WDR70: variants seen among roughly 807,000 people sequenced by gnomAD.
The protein encoded by WDR70 is WD repeat-containing protein 70.
WDR70 carries 53 observed loss-of-function variants against 88.6 expected under a neutral mutation model. The observed-to-expected ratio is 0.60, with a 90% CI of 0.48 to 0.75. The LOEUF (loss-of-function observed/expected upper bound fraction) is 0.75, where lower values mean the gene tolerates loss of function less well. WDR70 is among the 30% of genes least tolerant of loss of function. The pLI is 0.00. For missense variants in WDR70, 610 were observed against 823.2 expected (o/e 0.74, Z 3.17); for synonymous variants, 280 against 270.0 (o/e 1.04, Z -0.36).
At chr5:37,579,231 G>A (rs1743148037) in intron 9 of WDR70, among the ~76,000 whole-genome samples, 1 of 152,172 alleles carries the variant, frequency 6.6e-6, no homozygotes, top group Admixed American at 6.5e-5. Context: ...GGGAGAGAAG[G>A]AAGAAAGGAA....
intron 10 of WDR70, among the ~76,000 whole-genome samples, chr5:37,670,579 T>C (rs1745997858): frequency 6.6e-6 from 1 of 152,212 alleles, no homozygotes. Context: ...ACTATTCTCA[T>C]TTAATAGTTG....
At chr5:37,638,169 A>C (rs1041745254) in intron 10 of WDR70, among the ~76,000 whole-genome samples, 2 of 152,202 alleles carry the variant, frequency 1.3e-5, no homozygotes, top group African/African-American at 4.8e-5. Context: ...TGAGAATGCC[A>C]TCTGATCTGT....
intron 9 of WDR70, among the ~76,000 whole-genome samples, chr5:37,551,917 G>A (rs1742160170): frequency 6.6e-6 from 1 of 151,222 alleles, no homozygotes; most frequent in African/African-American, 2.4e-5. Flanking sequence ...AATTACAGGC[G>A]CCCACCACCA....
chr5:37,710,772 A>T (rs1312791484), intron 13 of WDR70, among the ~76,000 whole-genome samples: 1 of 152,130 alleles, frequency 6.6e-6, no homozygotes, highest in Non-Finnish European at 1.5e-5. Flanking sequence ...TAAAATGTTG[A>T]TGTTTTGTTT....
At chr5:37,587,463 C>T (rs1743394235) in intron 9 of WDR70, among the ~76,000 whole-genome samples, 1 of 151,902 alleles carries the variant, frequency 6.6e-6, no homozygotes, top group Non-Finnish European at 1.5e-5. Context: ...CATCTCTAGT[C>T]TGTAAATTTC....
At chr5:37,451,182 G>A (rs1392284913) in intron 7 of WDR70, among the ~76,000 whole-genome samples, 2 of 152,186 alleles carry the variant, frequency 1.3e-5, no homozygotes, top group Non-Finnish European at 2.9e-5. Flanking sequence ...ACAGACGTGA[G>A]CCATTGCCTC....
At chr5:37,394,313 T>A (rs1295122110) in intron 4 of WDR70, among the ~76,000 whole-genome samples, 1 of 151,786 alleles carries the variant, frequency 6.6e-6, no homozygotes, top group Non-Finnish European at 1.5e-5. Flanking sequence ...AAATCTGTTT[T>A]AAACCAGTGC....
chr5:37,425,751 G>A (rs1373938463), intron 5 of WDR70, among the ~76,000 whole-genome samples: 1 of 152,124 alleles, frequency 6.6e-6, no homozygotes, highest in Non-Finnish European at 1.5e-5. Flanking sequence ...TTTGAAAGAT[G>A]CTTTTTAGGA....
intron 10 of WDR70, among the ~76,000 whole-genome samples, chr5:37,669,084 A>T (rs1218123584): frequency 1.3e-5 from 2 of 152,218 alleles, no homozygotes; most frequent in African/African-American, 4.8e-5. Context: ...TTTATGAAAG[A>T]ATATGAGGTC....
chr5:37,472,776 G>C (rs886723604), intron 7 of WDR70, among the ~76,000 whole-genome samples: 2 of 152,012 alleles, frequency 1.3e-5, no homozygotes, highest in African/African-American at 4.8e-5. Context: ...TGGGATTACA[G>C]GCATGAGCCA....
rs1749736591 is a variant in WDR70, at chr5:37,416,079, CAG to C, written c.492+19513_492+19514del. Among the ~76,000 whole-genome samples, 4 of 152,136 alleles carry C rather than the reference CAG, an allele frequency of 2.6e-5. No individual in the cohort carries two copies. In the South Asian group the frequency reaches 8.3e-4, roughly 32 times the overall value. ...ACATCCCAGACGATGGGCGGCCAGGCAGAGACGCTCCTCACTTCCCAGACGGG... is the reference window on the plus strand; with the variant it reads ...ACATCCCAGACGATGGGCGGCCAGGCAGACGCTCCTCACTTCCCAGACGGG... On this transcript the variant is annotated intron_variant, in intron 5 of 17. Coordinates refer to ENST00000265107, the MANE Select transcript of WDR70 (RefSeq NM_018034.4).
chr5:37,703,634 C>T lies in WDR70; in HGVS notation c.1416+547C>T, dbSNP rs550236575. The stretch of plus-strand genomic sequence containing the variant: ...TAAAAAAACACATTAGTTTTCTTTA[C>T]AGATTTATATGAACACTAAAACACC... On this transcript the variant is annotated intron_variant, in intron 13 of 17. Coordinates refer to ENST00000265107, the MANE Select transcript of WDR70 (RefSeq NM_018034.4). 4.6e-5 allele frequency among the ~76,000 whole-genome samples: 7 copies of T among 152,324 alleles called. No individual in the cohort carries two copies. The South Asian group carries it at 1.5e-3, about 32-fold the overall frequency.
chr5:37,427,196 T>C (rs1750153558), intron 5 of WDR70, among the ~76,000 whole-genome samples: 1 of 152,044 alleles, frequency 6.6e-6, no homozygotes, highest in Non-Finnish European at 1.5e-5. Context: ...GAGACCATCT[T>C]GGCTAACACG....
At chr5:37,640,153 A>C (rs1020281205) in intron 10 of WDR70, among the ~76,000 whole-genome samples, 3 of 152,118 alleles carry the variant, frequency 2.0e-5, no homozygotes, top group African/African-American at 7.2e-5. Flanking sequence ...CTATATTTTA[A>C]ATTTTTTTTA....
At chr5:37,695,271 C>A (rs532183034) in intron 10 of WDR70, among the ~76,000 whole-genome samples, 1 of 152,286 alleles carries the variant, frequency 6.6e-6, no homozygotes, top group South Asian at 2.1e-4. Context: ...TAAGAAGCCA[C>A]CTCTGTGATC....
At chr5:37,498,828 A>G (rs763607962) in intron 8 of WDR70, among the ~76,000 whole-genome samples, 78 of 152,186 alleles carry the variant, frequency 5.1e-4, no homozygotes, top group Non-Finnish European at 9.6e-4. Context: ...TTTCGTGTGA[A>G]CATGTTTTCA....
At chr5:37,461,650 A>T (rs1268394054) in intron 7 of WDR70, among the ~76,000 whole-genome samples, 1 of 151,786 alleles carries the variant, frequency 6.6e-6, no homozygotes, top group Non-Finnish European at 1.5e-5. Context: ...CACCCGGCTA[A>T]TTTTTTGTAT....
At chr5:37,625,961 G>T (rs1744653864) in intron 10 of WDR70, among the ~76,000 whole-genome samples, 1 of 148,500 alleles carries the variant, frequency 6.7e-6, no homozygotes, top group Non-Finnish European at 1.5e-5. Flanking sequence ...TATTAATTTT[G>T]TACCCTACAA....
chr5:37,527,086 C>G (rs1359250837), intron 9 of WDR70, among the ~76,000 whole-genome samples: 1 of 152,104 alleles, frequency 6.6e-6, no homozygotes, highest in East Asian at 1.9e-4. Flanking sequence ...ATGCCATCCC[C>G]ATCAAGCTAC....
Sources: gnomAD v4.1 joint callset for allele counts (sites outside exome capture counted in the v4.1 genomes callset) on GRCh38, gnomAD v4.1.1 for gene constraint, MANE v1.5 for transcripts, NCBI Gene and HGNC (gene_info 2026-07-23, HGNC 2026-07-21) for gene names.